KCNQ3: variants seen among roughly 807,000 people sequenced by gnomAD.
KCNQ3 encodes potassium voltage-gated channel subfamily Q member 3.
Under a neutral mutation model 92.5 loss-of-function variants are expected in KCNQ3, and 30 were observed. The observed-to-expected ratio is 0.32, with a 90% CI of 0.24 to 0.44. The LOEUF (loss-of-function observed/expected upper bound fraction) is 0.44. KCNQ3 is among the 20% of genes least tolerant of loss of function. The pLI, the probability that KCNQ3 is intolerant of heterozygous loss-of-function variation, is 1.00. For missense variants in KCNQ3, 913 were observed against 1,140.3 expected, an observed-to-expected ratio of 0.80 and a Z score of 2.87; for synonymous variants, 450 against 468.8, an observed-to-expected ratio of 0.96 and a Z score of 0.52.
intron 1 of KCNQ3, among the ~76,000 whole-genome samples, chr8:132,404,140 G>A (rs1312279137): frequency 2.0e-5 from 3 of 152,150 alleles, no homozygotes; most frequent in African/African-American, 4.8e-5. Context: ...GGGCAGAAAC[G>A]TTTTTACTAT....
At chr8:132,168,765 G>A (rs971668614) in intron 8 of KCNQ3, among the ~76,000 whole-genome samples, 1 of 116,640 alleles carries the variant, frequency 8.6e-6, no homozygotes, top group African/African-American at 3.0e-5. Flanking sequence ...GTGTGTGTGT[G>A]TGTGTGTGTG....
intron 1 of KCNQ3, among the ~76,000 whole-genome samples, chr8:132,338,806 G>T (rs1002051453): frequency 2.0e-4 from 30 of 152,192 alleles, no homozygotes; most frequent in Non-Finnish European, 8.8e-5. Flanking sequence ...AGTAAGCAAT[G>T]GTTCAGAAAG....
chr8:132,341,767 GAA>G (rs909480975), intron 1 of KCNQ3, among the ~76,000 whole-genome samples: 17 of 152,034 alleles, frequency 1.1e-4, no homozygotes, highest in African/African-American at 4.1e-4. Context: ...GAAACCTGTG[GAA>G]AAAAGAGACA....
intron 1 of KCNQ3, among the ~76,000 whole-genome samples, chr8:132,397,771 G>C (rs1820228658): frequency 6.6e-6 from 1 of 152,062 alleles, no homozygotes; most frequent in Non-Finnish European, 1.5e-5. Flanking sequence ...GAGAAGCTAA[G>C]GAACTTGTTC....
intron 1 of KCNQ3, among the ~76,000 whole-genome samples, chr8:132,193,319 C>T (rs919754502): frequency 6.6e-6 from 1 of 152,206 alleles, no homozygotes; most frequent in Non-Finnish European, 1.5e-5. Context: ...CATCCAAGCC[C>T]AGGTTGGGGA....
chr8:132,211,725 G>T (rs1774532580), intron 1 of KCNQ3, among the ~76,000 whole-genome samples: 1 of 152,008 alleles, frequency 6.6e-6, no homozygotes, highest in African/African-American at 2.4e-5. Flanking sequence ...GGCCAAGGCG[G>T]GTGGATCACG....
chr8:132,338,157 C>T (rs980512577), intron 1 of KCNQ3, among the ~76,000 whole-genome samples: 2 of 152,136 alleles, frequency 1.3e-5, no homozygotes, highest in Non-Finnish European at 2.9e-5. Flanking sequence ...TTGTAGATAT[C>T]CATTTTAATT....
chr8:132,426,967 G>A (rs1462133048), intron 1 of KCNQ3, among the ~76,000 whole-genome samples: 1 of 152,156 alleles, frequency 6.6e-6, no homozygotes, highest in African/African-American at 2.4e-5. Flanking sequence ...GTGGACAGTA[G>A]GGCACAGATT....
In KCNQ3 at chr8:132,480,459, G is replaced by A; in HGVS notation, c.74C>T (p.Ala25Val). Residue 25 changes from alanine to valine, a missense_variant, in exon 1 of 15, where the codon GCG (alanine) becomes GTG (valine). By Grantham distance (64) the Ala-to-Val change is moderately conservative. This residue lies in a region of KCNQ3 where 183 missense variants were observed against 167.7 expected (regional missense o/e 1.09). Transcript: ENST00000388996. ...GGDGGGGGGGAANPAGGDAAA... is the reference protein window; with the variant it reads ...GGDGGGGGGGVANPAGGDAAA... ...CGCGTCCCCTCCGGCTGGGTTAGCCGCCCCGCCGCCTCCGCCGCCCCCGTC... is the reference window on the plus strand; with the variant it reads ...CGCGTCCCCTCCGGCTGGGTTAGCCACCCCGCCGCCTCCGCCGCCCCCGTC... 1 of 1,282,374 alleles carries A rather than the reference G, an allele frequency of 7.8e-7. No homozygotes were observed. The allele number at this position is 1,282,374 out of a possible 1,614,324, so 79.4% of individuals were successfully genotyped here.
Position 132,427,641 on chromosome 8 carries a change from T to C in KCNQ3, c.386+52506A>G, listed in dbSNP as rs1821144217. ...CTTTGTTCCAGCAAGGCCTGGGATC[T>C]GGGCAGCAAAACCAAAGAAACCAAG... On this transcript the variant is annotated intron_variant, in intron 1 of 14. Coordinates refer to ENST00000388996, the MANE Select transcript of KCNQ3 (RefSeq NM_004519.4). 2.0e-5 allele frequency among the ~76,000 whole-genome samples: 3 copies of C among 152,228 alleles called. No homozygotes were observed. The South Asian group carries it at 6.2e-4, about 31-fold the overall frequency.
At chr8:132,296,424 T>C (rs907531145) in intron 1 of KCNQ3, among the ~76,000 whole-genome samples, 1 of 152,170 alleles carries the variant, frequency 6.6e-6, no homozygotes, top group African/African-American at 2.4e-5. Flanking sequence ...ACTTTTAGGG[T>C]ACATGTGCAC....
rs531127659 is a variant in KCNQ3 at position 132,316,805 on chromosome 8, T to C, written c.387-130624A>G. On this transcript the variant is annotated intron_variant, in intron 1 of 14. Transcript: ENST00000388996. ...TTCACATATGTGAATTCTTCAAATA[T>C]AGTCAATGAAAATTTCTTCCTAATT... Among the ~76,000 whole-genome samples the C allele has an allele frequency of 2.0e-5, 3 of 152,342 alleles. No homozygotes were observed. In the South Asian group the frequency reaches 6.2e-4, roughly 32 times the overall value.
chr8:132,395,948 C>T (rs1820180304), intron 1 of KCNQ3, among the ~76,000 whole-genome samples: 1 of 152,184 alleles, frequency 6.6e-6, no homozygotes, highest in East Asian at 1.9e-4. Flanking sequence ...GTGGTCACAG[C>T]CGGGCCTGAG....
chr8:132,217,242 G>A lies in KCNQ3; in HGVS notation c.387-31061C>T, dbSNP rs75312675. On this transcript the variant is annotated intron_variant, in intron 1 of 14. Coordinates refer to ENST00000388996, the MANE Select transcript of KCNQ3 (RefSeq NM_004519.4). Reference sequence around the variant, plus strand: ...TTAAACATTCCTCAGCACACCACGGGAGAAGAGTCCAGACAGATGGCAAAG... The same window carrying A: ...TTAAACATTCCTCAGCACACCACGGAAGAAGAGTCCAGACAGATGGCAAAG... Among the ~76,000 whole-genome samples, 1,436 of 152,226 alleles carry A rather than the reference G, an allele frequency of 9.4e-3. 15 individuals carry two copies. The highest frequency in any genetic ancestry group is 0.014 in the Non-Finnish European group (968 of 68,000).
chr8:132,470,861 G>A (rs1822284822), intron 1 of KCNQ3, among the ~76,000 whole-genome samples: 1 of 152,122 alleles, frequency 6.6e-6, no homozygotes, highest in Non-Finnish European at 1.5e-5. Context: ...GACCATTCCA[G>A]ATATCCAGCA....
chr8:132,232,745 G>A (rs141217985), intron 1 of KCNQ3, among the ~76,000 whole-genome samples: 118 of 152,188 alleles, frequency 7.8e-4, no homozygotes, highest in African/African-American at 2.6e-3. Context: ...AATGAAGACC[G>A]GTTTCATTAA....
chr8:132,429,365 A>G (rs1002058521), intron 1 of KCNQ3, among the ~76,000 whole-genome samples: 1 of 152,196 alleles, frequency 6.6e-6, no homozygotes, highest in African/African-American at 2.4e-5. Flanking sequence ...ATGACAGATG[A>G]TAAAACTAAG....
At chr8:132,345,646 G>A (rs1446280927) in intron 1 of KCNQ3, among the ~76,000 whole-genome samples, 1 of 152,188 alleles carries the variant, frequency 6.6e-6, no homozygotes, top group Non-Finnish European at 1.5e-5. Flanking sequence ...ATGTTTTTCT[G>A]CCCATTGTTT....
intron 9 of KCNQ3, among the ~76,000 whole-genome samples, chr8:132,147,468 T>C (rs945571080): frequency 2.6e-5 from 4 of 152,218 alleles, no homozygotes; most frequent in African/African-American, 4.8e-5. Flanking sequence ...AGTAAGAAGT[T>C]GGTGACTGTG....
Sources: gnomAD v4.1 joint callset for allele counts (sites outside exome capture counted in the v4.1 genomes callset) on GRCh38, gnomAD v4.1.1 for gene constraint, gnomAD v4.1.1 regional missense constraint, MANE v1.5 for transcripts, NCBI Gene and HGNC (gene_info 2026-07-23, HGNC 2026-07-21) for gene names.